IGF2R: variants seen among roughly 807,000 people sequenced by gnomAD.
IGF2R encodes cation-independent mannose-6-phosphate receptor.
Under a neutral mutation model 270.6 loss-of-function variants are expected in IGF2R, and 91 were observed. That is an observed-to-expected ratio of 0.34 (90% CI 0.28 to 0.40). The LOEUF (loss-of-function observed/expected upper bound fraction) is 0.40, where lower values mean the gene tolerates loss of function less well. Among genes scored for constraint, IGF2R ranks in the 10% least tolerant of loss-of-function variants. The pLI is 1.00. For missense variants in IGF2R, 2,805 were observed against 3,188.3 expected (o/e 0.88, Z 2.90); for synonymous variants, 1,316 against 1,258.9 (o/e 1.05, Z -0.96).
At chr6:160,021,337 G>A (rs563206276) in intron 4 of IGF2R, among the ~76,000 whole-genome samples, 127 of 150,348 alleles carry the variant, frequency 8.4e-4, no homozygotes, top group Non-Finnish European at 1.5e-3. Flanking sequence ...GCAAACTGTC[G>A]CAAGGATAAA....
rs762200318 is a variant in IGF2R at position 160,057,985 on chromosome 6, T to C, written c.2797-38T>C. 4.5e-6 allele frequency: 6 copies of C among 1,320,856 alleles called. No individual in the cohort carries two copies. In the Admixed American group the frequency reaches 5.1e-5, roughly 11 times the overall value. 81.8% of individuals were successfully genotyped at this position (1,320,856 alleles called of 1,614,324 possible). ...TATGTTATGTTCCTGTGGAATTGGT[T>C]TGAATGCGCCCCTTTTTCCCCATTT... On this transcript the variant is annotated intron_variant, in intron 20 of 47. Coordinates refer to ENST00000356956, the MANE Select transcript of IGF2R (RefSeq NM_000876.4).
rs889755794 is a variant in IGF2R, at chr6:160,044,660, A to G, written c.1765+3A>G. 6.3e-6 allele frequency: 10 copies of G among 1,591,874 alleles called. No homozygotes were observed. The highest frequency in any genetic ancestry group is 3.7e-5 in the Admixed American group (2 of 53,750). On this transcript the variant is annotated splice_donor_region_variant and intron_variant, in intron 13 of 47. Transcript: ENST00000356956. ...TATCACACTTGTATGCAAGCCAGGT[A>G]AAAATTTTAAAAAAGATGAAATCTT... is the stretch of plus-strand genomic sequence containing the variant.
chr6:160,043,128 A>G lies in IGF2R; in HGVS notation c.1481-20A>G, dbSNP rs1260874701. 5 of 1,612,862 alleles carry G rather than the reference A, an allele frequency of 3.1e-6. No homozygotes were observed. The highest frequency in any genetic ancestry group is 4.2e-6 in the Non-Finnish European group (5 of 1,179,396). On this transcript the variant is annotated intron_variant, in intron 11 of 47. Coordinates refer to ENST00000356956, the MANE Select transcript of IGF2R (RefSeq NM_000876.4). Reference sequence around the variant, plus strand: ...AATCAGCATTGCTTTTGGCTAAAATACACTTTTGTTTTGTTACAGAACCAG... The same window carrying G: ...AATCAGCATTGCTTTTGGCTAAAATGCACTTTTGTTTTGTTACAGAACCAG...
Position 160,077,832 on chromosome 6 carries a change from C to T in IGF2R, c.5317-369C>T, listed in dbSNP as rs117682156. Among the ~76,000 whole-genome samples, 39 of 152,356 alleles carry T rather than the reference C, an allele frequency of 2.6e-4. 1 individual carries two copies. In the East Asian group the frequency reaches 6.8e-3, roughly 26 times the overall value. Reference sequence around the variant, plus strand: ...TCTTGCCCCTTGAATAAATGTCTCCCGTGTCTAGAGACAGTAGATTGGAGC... The same window carrying T: ...TCTTGCCCCTTGAATAAATGTCTCCTGTGTCTAGAGACAGTAGATTGGAGC... On this transcript the variant is annotated intron_variant, in intron 36 of 47. Transcript: ENST00000356956.
At position 160,096,489 on chromosome 6, in the gene IGF2R, A is replaced by G; in HGVS notation, c.6706A>G (p.Lys2236Glu). The change falls in exon 45 of 48, where the codon AAG becomes GAG. Residue 2236 changes from lysine (K) to glutamate (E), a missense_variant. By Grantham distance (56) the Lys-to-Glu change is moderately conservative. This residue lies in a region of IGF2R where 1,851 missense variants were observed against 2,207.2 expected (regional missense o/e 0.84). Coordinates refer to ENST00000356956, the MANE Select transcript of IGF2R (RefSeq NM_000876.4). ...CTCTTCCTCTAAGTGCGGAAAGGAT[A>G]AGACCAAGTCTGTTTCTTCCACCAT... ...FASSSKCGKD[K>E]TKSVSSTIFF... 1.2e-6 allele frequency: 2 copies of G among 1,614,114 alleles called. No individual in the cohort carries two copies. The highest frequency in any genetic ancestry group is 1.7e-6 in the Non-Finnish European group (2 of 1,180,000).
In IGF2R at chr6:160,085,141, G is replaced by A. The variant is rs1345342430; in HGVS notation, c.6205+10G>A. 19 of 1,611,986 alleles carry A rather than the reference G, an allele frequency of 1.2e-5. No homozygotes were observed. Among genetic ancestry groups the A allele is most frequent in the Non-Finnish European group, 1.5e-5 (18 of 1,179,362 alleles). Reference sequence around the variant, plus strand: ...AAGCTGGGTGTCATAGGTAAGGCCTGTGGGTCCTGGTCCTTGGTTCAAGGA... The same window carrying A: ...AAGCTGGGTGTCATAGGTAAGGCCTATGGGTCCTGGTCCTTGGTTCAAGGA... On this transcript the variant is annotated intron_variant, in intron 41 of 47. Coordinates refer to ENST00000356956, the MANE Select transcript of IGF2R (RefSeq NM_000876.4).
In IGF2R at chr6:160,102,598, G is replaced by A. The variant is rs73598446; in HGVS notation, c.6922G>A (p.Ala2308Thr). 207 of 1,613,708 alleles carry A rather than the reference G, an allele frequency of 1.3e-4. No individual in the cohort carries two copies. In the African/African-American group the frequency reaches 2.1e-3, roughly 16 times the overall value. Reference sequence around the variant, plus strand: ...GTCAGAACGGAGCCAGGCAGTCGGCGCGGTGCTCAGCCTGCTGCTGGTGGC... The same window carrying A: ...GTCAGAACGGAGCCAGGCAGTCGGCACGGTGCTCAGCCTGCTGCTGGTGGC... ...GLSERSQAVG[A>T]VLSLLLVALT... Residue 2308 changes from alanine to threonine, a missense_variant, in exon 46 of 48, where the codon GCG (alanine) becomes ACG (threonine). Ala to Thr is a moderately conservative substitution (Grantham distance 58). Transcript: ENST00000356956. The surrounding 1 kb of genome is among the most constrained non-coding windows in gnomAD (Gnocchi z 4.5).
intron 44 of IGF2R, among the ~76,000 whole-genome samples, chr6:160,092,429 T>G (rs1403246620): frequency 6.6e-6 from 1 of 152,266 alleles, no homozygotes; most frequent in East Asian, 1.9e-4. Context: ...TAGCAGACCT[T>G]TGAGGATCCC....
Position 160,104,857 on chromosome 6 carries a change from C to G in IGF2R, c.7249C>G (p.Pro2417Ala). The change falls in exon 48 of 48, where the codon CCA (proline) becomes GCA (alanine). Residue 2417 changes from proline to alanine, a missense_variant. Physicochemically the swap from Pro to Ala is conservative, Grantham distance 27 (BLOSUM62 -1). Around this residue, in one of 2 missense-constraint regions of IGF2R, gnomAD observed 1,851 missense variants for 2,207.2 expected, o/e 0.84. Transcript: ENST00000356956. Reference sequence around the variant, plus strand: ...CAGTGAGGATGAGGTTCTGACCATCCCAGAGGTGAAAGTTCACTCGGGCAG... The same window carrying G: ...CAGTGAGGATGAGGTTCTGACCATCGCAGAGGTGAAAGTTCACTCGGGCAG... The part of the protein sequence containing the change: ...QDSEDEVLTI[P>A]EVKVHSGRGA... 6.2e-7 allele frequency: 1 copy of G among 1,614,158 alleles called. No individual in the cohort carries two copies. Among genetic ancestry groups the G allele is most frequent in the Non-Finnish European group, 8.5e-7 (1 of 1,180,028 alleles).
intron 31 of IGF2R, among the ~76,000 whole-genome samples, chr6:160,071,399 CTCA>C (rs1223702222): frequency 6.6e-6 from 1 of 152,310 alleles, no homozygotes; most frequent in East Asian, 1.9e-4. Flanking sequence ...TGCTGCTGAA[CTCA>C]TCATGCTAAC....
At chr6:160,035,075 G>A (rs1168755426) in intron 10 of IGF2R, among the ~76,000 whole-genome samples, 3 of 152,168 alleles carry the variant, frequency 2.0e-5, no homozygotes, top group Non-Finnish European at 4.4e-5. Context: ...CGGTGCCGCT[G>A]TCCATATCTT....
intron 32 of IGF2R, 49 bp downstream of exon 32, chr6:160,072,085 C>T (rs2297360): frequency 0.027 from 43,575 of 1,609,184 alleles, 1,338 homozygotes; most frequent in East Asian, 0.11. Context: ...AGAGACGGTG[C>T]CCCCACCAAA....
At chr6:160,054,252 G>C (rs1366277289) in intron 19 of IGF2R, among the ~76,000 whole-genome samples, 1 of 152,218 alleles carries the variant, frequency 6.6e-6, no homozygotes, top group African/African-American at 2.4e-5. Context: ...ATTCACGAAG[G>C]GATGGCACAC....
At chr6:159,991,374 T>C in intron 2 of IGF2R, 51 bp downstream of exon 2, 1 of 1,574,468 alleles carries the variant, frequency 6.4e-7, no homozygotes, top group Non-Finnish European at 8.6e-7. Context: ...TTCCCCAATT[T>C]TGCAAAAATG....
At chr6:160,041,605 A>G (rs80218577) in intron 11 of IGF2R, among the ~76,000 whole-genome samples, 1 of 152,092 alleles carries the variant, frequency 6.6e-6, no homozygotes, top group Admixed American at 6.5e-5. Context: ...TTTTTTAAAG[A>G]AAAATAAAAC....
intron 42 of IGF2R, among the ~76,000 whole-genome samples, chr6:160,088,896 G>A (rs529556606): frequency 3.3e-5 from 5 of 152,180 alleles, no homozygotes; most frequent in Non-Finnish European, 7.3e-5. Context: ...AACCACCCTC[G>A]CTCCGAGCTG....
intron 10 of IGF2R, among the ~76,000 whole-genome samples, chr6:160,040,037 C>G (rs1266909897): frequency 6.6e-6 from 1 of 152,188 alleles, no homozygotes; most frequent in Non-Finnish European, 1.5e-5. Context: ...GCGTGCTTCA[C>G]TGGGAGCGAC....
At chr6:160,026,099 T>C (rs1777555595) in intron 5 of IGF2R, among the ~76,000 whole-genome samples, 1 of 152,232 alleles carries the variant, frequency 6.6e-6, no homozygotes, top group African/African-American at 2.4e-5. Context: ...CTTGCCATCA[T>C]GTGCTTACCT....
At position 160,102,594 on chromosome 6, in the gene IGF2R, C is replaced by A; in HGVS notation, c.6918C>A (p.Val2306=). Residue 2306 remains valine, a synonymous_variant, in exon 46 of 48, where the codon GTC becomes GTA. Transcript: ENST00000356956. This position sits in a 1 kb window ranked among gnomAD's most constrained non-coding sequence, Gnocchi z 4.5. ...GGCTGTCAGAACGGAGCCAGGCAGT[C>A]GGCGCGGTGCTCAGCCTGCTGCTGG... is the stretch of plus-strand genomic sequence containing the variant. The part of the protein sequence containing the change: ...HKGLSERSQA[V]GAVLSLLLVA... The A allele has an allele frequency of 6.2e-7, 1 of 1,613,640 alleles. No individual in the cohort carries two copies. Among genetic ancestry groups the A allele is most frequent in the Non-Finnish European group, 8.5e-7 (1 of 1,179,884 alleles).
Sources: gnomAD v4.1 joint callset for allele counts (sites outside exome capture counted in the v4.1 genomes callset) on GRCh38, gnomAD v4.1.1 for gene constraint, gnomAD v4.1.1 regional missense constraint, Gnocchi (gnomAD v3.1) non-coding constraint, MANE v1.5 for transcripts, NCBI Gene and HGNC (gene_info 2026-07-23, HGNC 2026-07-21) for gene names.